FBXW7: variants seen among roughly 807,000 people sequenced by gnomAD.
The protein encoded by FBXW7 is F-box and WD repeat domain containing 7.
In FBXW7, 11 loss-of-function variants were observed where a neutral mutation model predicts 86.3. The ratio of observed to expected loss-of-function variants is 0.13; its 90% confidence interval spans 0.08 to 0.21. FBXW7 has a LOEUF of 0.21. Among genes scored for constraint, FBXW7 ranks in the 10% least tolerant of loss-of-function variants. The probability of loss-of-function intolerance (pLI) is 1.00; values close to 1 mark genes in which losing one functional copy is unlikely to be tolerated. For synonymous variants in FBXW7, 313 were observed against 297.9 expected, an observed-to-expected ratio of 1.05 and a Z score of -0.52; for missense variants, 488 against 847.4, an observed-to-expected ratio of 0.58 and a Z score of 5.27.
At chr4:152,367,961 G>A (rs1733651755) in intron 4 of FBXW7, among the ~76,000 whole-genome samples, 1 of 151,900 alleles carries the variant, frequency 6.6e-6, no homozygotes, top group African/African-American at 2.4e-5. Flanking sequence ...AGGAGGTATG[G>A]TTTGCCATTT....
At chr4:152,509,853 G>C (rs1276161659) in intron 2 of FBXW7, among the ~76,000 whole-genome samples, 1 of 152,152 alleles carries the variant, frequency 6.6e-6, no homozygotes, top group African/African-American at 2.4e-5. Flanking sequence ...TGTGACAATA[G>C]GTAGTCCATT....
intron 2 of FBXW7, among the ~76,000 whole-genome samples, chr4:152,460,925 TC>T: frequency 6.6e-6 from 1 of 152,378 alleles, no homozygotes; most frequent in South Asian, 2.1e-4. Context: ...CCATTCTTTC[TC>T]TTTCAAATAG....
At chr4:152,500,496 CAAAAAAAAAAA>C (rs34375454) in intron 2 of FBXW7, among the ~76,000 whole-genome samples, 2 of 73,094 alleles carry the variant, frequency 2.7e-5, no homozygotes, top group East Asian at 4.5e-4. Context: ...GCTTTGTCAG[CAAAAAAAAAAA>C]AAAAAAAAAA....
chr4:152,362,847 A>AAAC (rs1376275908), intron 4 of FBXW7, among the ~76,000 whole-genome samples: 7 of 151,628 alleles, frequency 4.6e-5, no homozygotes, highest in African/African-American at 7.2e-5. Flanking sequence ...AAAAAAAAAA[A>AAAC]AACAACAAGA....
chr4:152,335,126 A>AGGGCTCTAAAATGAACT (rs902029056), intron 7 of FBXW7, among the ~76,000 whole-genome samples: 2 of 152,170 alleles, frequency 1.3e-5, no homozygotes. Context: ...TTTGTCATGT[A>AGGGCTCTAAAATGAACT]GGGCTCTAAA....
At chr4:152,481,892 A>T (rs1744916580) in intron 2 of FBXW7, among the ~76,000 whole-genome samples, 1 of 152,246 alleles carries the variant, frequency 6.6e-6, no homozygotes. Flanking sequence ...TTTGGTGAAG[A>T]TGCTGTGAAC....
intron 2 of FBXW7, among the ~76,000 whole-genome samples, chr4:152,456,405 A>G (rs554414814): frequency 2.7e-5 from 4 of 150,226 alleles, no homozygotes; most frequent in African/African-American, 9.8e-5. Flanking sequence ...GTGTTGTAGT[A>G]CACATCTGTA....
At chr4:152,516,363 T>G (rs1748497179) in intron 2 of FBXW7, among the ~76,000 whole-genome samples, 1 of 152,176 alleles carries the variant, frequency 6.6e-6, no homozygotes, top group Non-Finnish European at 1.5e-5. Flanking sequence ...AACACTATTG[T>G]GAACTGTGCA....
intron 4 of FBXW7, among the ~76,000 whole-genome samples, chr4:152,377,112 G>GTT (rs1206621118): frequency 6.6e-6 from 1 of 151,936 alleles, no homozygotes; most frequent in Non-Finnish European, 1.5e-5. Flanking sequence ...GTTGAAACGT[G>GTT]TTAAGTTCAC....
intron 4 of FBXW7, among the ~76,000 whole-genome samples, chr4:152,377,376 G>C (rs1485094270): frequency 6.6e-6 from 1 of 152,102 alleles, no homozygotes; most frequent in African/African-American, 2.4e-5. Flanking sequence ...AGAATACATA[G>C]TTGGCTCTTT....
intron 6 of FBXW7, among the ~76,000 whole-genome samples, chr4:152,343,310 G>C (rs992081014): frequency 1.3e-5 from 2 of 152,072 alleles, no homozygotes; most frequent in African/African-American, 4.8e-5. Flanking sequence ...TGTGAAGCTA[G>C]TGTTAACGGT....
intron 2 of FBXW7, among the ~76,000 whole-genome samples, chr4:152,418,380 A>C (rs906301605): frequency 2.0e-5 from 3 of 152,176 alleles, no homozygotes; most frequent in African/African-American, 7.2e-5. Flanking sequence ...TAAAAGGAAA[A>C]TGAGCTTTTG....
intron 2 of FBXW7, among the ~76,000 whole-genome samples, chr4:152,467,998 G>A (rs1420588230): frequency 2.0e-5 from 3 of 151,638 alleles, no homozygotes; most frequent in African/African-American, 7.3e-5. Context: ...AATGGGCAAA[G>A]GAGTTGAACA....
intron 2 of FBXW7, among the ~76,000 whole-genome samples, chr4:152,472,985 T>C (rs147811437): frequency 0.011 from 1,661 of 152,308 alleles, 20 homozygotes; most frequent in Middle Eastern, 0.027. Context: ...CAGCAAGGGA[T>C]TCCTTATTAT....
intron 2 of FBXW7, among the ~76,000 whole-genome samples, chr4:152,520,001 G>C (rs1315139533): frequency 2.0e-5 from 3 of 152,144 alleles, no homozygotes; most frequent in African/African-American, 7.2e-5. Flanking sequence ...AAATCCTTAG[G>C]ACAGTTCCTG....
At position 152,328,414 on chromosome 4, in the gene FBXW7, C is replaced by T. The variant is rs756080417; in HGVS notation, c.1237-25G>A. 1.4e-5 allele frequency: 20 copies of T among 1,394,604 alleles called. No individual in the cohort carries two copies. The South Asian group carries it at 3.5e-4, about 24-fold the overall frequency. The allele number at this position is 1,394,604 out of a possible 1,614,324, so 86.4% of individuals were successfully genotyped here. ...ACTGGAAAAACACTTAAGATGATTA[C>T]TTTTGGGTAGAAAGGAAAAGTGATT... is the stretch of plus-strand genomic sequence containing the variant. On this transcript the variant is annotated intron_variant, in intron 10 of 13. Coordinates refer to ENST00000281708, the MANE Select transcript of FBXW7 (RefSeq NM_001349798.2).
intron 4 of FBXW7, among the ~76,000 whole-genome samples, chr4:152,389,580 T>C (rs947371717): frequency 8.6e-5 from 13 of 151,964 alleles, no homozygotes; most frequent in African/African-American, 2.4e-4. Context: ...ATGGAGTGTG[T>C]AGTAATAGAT....
At chr4:152,378,175 A>G (rs905514164) in intron 4 of FBXW7, among the ~76,000 whole-genome samples, 16 of 152,220 alleles carry the variant, frequency 1.1e-4, no homozygotes, top group South Asian at 6.2e-4. Context: ...TAAGATGACG[A>G]TACATAAGAT....
chr4:152,370,104 CA>C (rs1560815985), intron 4 of FBXW7, among the ~76,000 whole-genome samples: 1 of 151,924 alleles, frequency 6.6e-6, no homozygotes, highest in African/African-American at 2.4e-5. Context: ...TTAGTAGCAA[CA>C]GTGACATTTT....
Sources: allele counts gnomAD v4.1 joint callset (sites outside exome capture counted in the v4.1 genomes callset), GRCh38; gene constraint gnomAD v4.1.1; transcripts MANE v1.5; gene names NCBI Gene and HGNC (gene_info 2026-07-23, HGNC 2026-07-21).